The following ABCC12 variants were observed in gnomAD, a reference collection of about 807,000 sequenced individuals.
ABCC12 encodes the protein ATP-binding cassette sub-family C member 12.
In ABCC12, 142 loss-of-function variants were observed where a neutral mutation model predicts 151.1. The observed-to-expected ratio is 0.94, with a 90% confidence interval of 0.82 to 1.08. The LOEUF (loss-of-function observed/expected upper bound fraction) is 1.08. Ranked by LOEUF, ABCC12 falls within the 50% of genes least tolerant of loss-of-function variation. The pLI, the probability that ABCC12 is intolerant of heterozygous loss-of-function variation, is 0.00. For missense variants in ABCC12, 1,638 were observed against 1,691.1 expected (o/e 0.97, Z 0.55); for synonymous variants, 645 against 646.4 (o/e 1.00, Z 0.03).
chr16:48,142,657 C>G (rs1385259024), intron 4 of ABCC12, among the ~76,000 whole-genome samples: 2 of 152,194 alleles, frequency 1.3e-5, no homozygotes, highest in Non-Finnish European at 2.9e-5. Flanking sequence ...AGGCCTTCCC[C>G]ATTCTTTATA....
intron 24 of ABCC12, 123 bp from the exon 25 acceptor site, chr16:48,091,332 C>G: frequency 1.2e-6 from 1 of 848,542 alleles, no homozygotes. Context: ...ACAGCACAAA[C>G]AGGAGGCCTG....
intron 22 of ABCC12, 54 bp downstream of exon 22, chr16:48,104,088 C>G (rs1963397357): frequency 5.8e-6 from 9 of 1,544,726 alleles, no homozygotes; most frequent in Admixed American, 3.5e-5. Flanking sequence ...TCACCTGATA[C>G]CCAGTCAGTG....
chr16:48,149,846 T>G (rs1322086968), intron 2 of ABCC12, among the ~76,000 whole-genome samples: 1 of 152,110 alleles, frequency 6.6e-6, no homozygotes, highest in Non-Finnish European at 1.5e-5. Flanking sequence ...AATCTCTGAG[T>G]ATCAGGAAAA....
At chr16:48,093,175 C>G (rs1041619381) in intron 24 of ABCC12, among the ~76,000 whole-genome samples, 1 of 152,156 alleles carries the variant, frequency 6.6e-6, no homozygotes, top group Admixed American at 6.5e-5. Context: ...CAGCCCCTCA[C>G]CAGAAGGATT....
chr16:48,131,211 T>G (rs1033920188), intron 9 of ABCC12, among the ~76,000 whole-genome samples: 1 of 152,242 alleles, frequency 6.6e-6, no homozygotes, highest in Non-Finnish European at 1.5e-5. Flanking sequence ...CCATCCACAC[T>G]GCATCCTCAT....
Position 48,096,814 on chromosome 16 carries a change from A to C in ABCC12, c.3127T>G (p.Leu1043Val), listed in dbSNP as rs1331233194. The C allele has an allele frequency of 1.2e-6, 2 of 1,614,164 alleles. No individual in the cohort carries two copies. Among genetic ancestry groups the C allele is most frequent in the East Asian group, 2.2e-5 (1 of 44,886 alleles). Reference protein sequence around the residue: ...MNILTFTVALLVTLSFSSIST... With the variant: ...MNILTFTVALVVTLSFSSIST... ...ATGGAGGAGAAACTCAGGGTCACCA[A>C]CAAGGCCACAGTGAAGGTAAGGATG... The change falls in exon 24 of 31, where the codon TTG becomes GTG. Residue 1043 changes from leucine to valine, a missense_variant. Coordinates refer to ENST00000311303, the MANE Select transcript of ABCC12 (RefSeq NM_001393797.1).
At chr16:48,106,803 TC>T in intron 20 of ABCC12, among the ~76,000 whole-genome samples, 1 of 152,326 alleles carries the variant, frequency 6.6e-6, no homozygotes, top group South Asian at 2.1e-4. Context: ...CATCATTTCT[TC>T]CCAGGAAGGG....
At chr16:48,104,891 G>A (rs534648763) in intron 21 of ABCC12, among the ~76,000 whole-genome samples, 10 of 152,298 alleles carry the variant, frequency 6.6e-5, no homozygotes, top group African/African-American at 1.9e-4. Flanking sequence ...GCGCATCTCT[G>A]CGGCGGAGTG....
intron 10 of ABCC12, among the ~76,000 whole-genome samples, chr16:48,129,137 A>T (rs1366230998): frequency 2.0e-5 from 3 of 152,258 alleles, no homozygotes; most frequent in Non-Finnish European, 4.4e-5. Flanking sequence ...GCCCAGTTCA[A>T]CAAAGCATTT....
chr16:48,153,847 A>T lies in ABCC12; in HGVS notation c.-282T>A, dbSNP rs946653000. ...TGATGATCTGAGGCGGCTTGGAAGC[A>T]TTGCAGCTGGAATGGCACTTTGCTA... is the stretch of plus-strand genomic sequence containing the variant. On this transcript the variant is annotated 5_prime_UTR_variant, in exon 2 of 31. It removes an upstream start codon present in the reference 5' UTR. Coordinates refer to ENST00000311303, the MANE Select transcript of ABCC12 (RefSeq NM_001393797.1). The T allele has an allele frequency of 1.3e-5, 2 of 152,206 alleles. No individual in the cohort carries two copies. The highest frequency in any genetic ancestry group is 2.4e-5 in the African/African-American group (1 of 41,452). The allele number at this position is 152,206 out of a possible 1,614,324, so 9.4% of individuals were successfully genotyped here.
intron 20 of ABCC12, among the ~76,000 whole-genome samples, chr16:48,105,641 G>T (rs943669316): frequency 6.6e-6 from 1 of 152,226 alleles, no homozygotes; most frequent in African/African-American, 2.4e-5. Flanking sequence ...CACCTCGGGA[G>T]ACCAGAAGCA....
chr16:48,131,683 C>A (rs1964431451), intron 9 of ABCC12, among the ~76,000 whole-genome samples: 1 of 152,184 alleles, frequency 6.6e-6, no homozygotes, highest in Non-Finnish European at 1.5e-5. Context: ...TAATTAGCAG[C>A]CGCTCCCTAG....
intron 12 of ABCC12, 63 bp downstream of exon 12, chr16:48,124,150 G>T: frequency 6.4e-7 from 1 of 1,551,986 alleles, no homozygotes; most frequent in South Asian, 1.1e-5. Context: ...CGCCTGACCG[G>T]AAGGGAGCCA....
At chr16:48,138,113 C>G in intron 8 of ABCC12, 115 bp downstream of exon 8, 1 of 1,197,632 alleles carries the variant, frequency 8.3e-7, no homozygotes, top group South Asian at 1.9e-5. Context: ...CAGAGCAGCT[C>G]AGAGGGTCCC....
At chr16:48,148,960 G>C (rs1965079451) in intron 2 of ABCC12, among the ~76,000 whole-genome samples, 1 of 151,572 alleles carries the variant, frequency 6.6e-6, no homozygotes, top group South Asian at 2.1e-4. Flanking sequence ...ATAGTCCCTG[G>C]TACATCGGAA....
intron 29 of ABCC12, 87 bp downstream of exon 29, chr16:48,085,506 G>T: frequency 9.0e-7 from 1 of 1,107,574 alleles, no homozygotes; most frequent in Non-Finnish European, 1.4e-6. Context: ...TTTGCTGAAA[G>T]ACATACACGT....
Position 48,138,349 on chromosome 16 carries a change from A to G in ABCC12, c.858T>C (p.Ala286=), listed in dbSNP as rs1429321978. The G allele has an allele frequency of 4.3e-6, 7 of 1,613,620 alleles. No individual in the cohort carries two copies. The highest frequency in any genetic ancestry group is 5.9e-6 in the Non-Finnish European group (7 of 1,179,598). ...VQMFMAKLNS[A]FRRSAILVTD... ...TCACCAAAATTGCTGACCTTCGGAA[A>G]GCTGAATTGAGCTTGGCCATAAACA... The change falls in exon 8 of 31, where the codon GCT becomes GCC. Residue 286 remains alanine, a synonymous_variant. Transcript: ENST00000311303.
intron 14 of ABCC12, among the ~76,000 whole-genome samples, chr16:48,116,867 C>T (rs1963900867): frequency 1.3e-5 from 2 of 152,192 alleles, no homozygotes; most frequent in South Asian, 4.1e-4. Context: ...GACAAGCACC[C>T]CAGGGGGCAA....
chr16:48,146,847 A>ACACACACATGCACATGCACACATG (rs1965020659), intron 2 of ABCC12: 1 of 213,222 alleles, frequency 4.7e-6, no homozygotes, highest in Admixed American at 5.2e-5. Context: ...TGGCTGACAC[A>ACACACACATGCACATGCACACATG]CACACACATG....
Sources: gnomAD v4.1 joint callset for allele counts (sites outside exome capture counted in the v4.1 genomes callset) on GRCh38, gnomAD v4.1.1 for gene constraint, MANE v1.5 for transcripts, NCBI Gene and HGNC (gene_info 2026-07-23, HGNC 2026-07-21) for gene names.